Variants in WNT5B observed in about 807,000 individuals in gnomAD.
The protein encoded by WNT5B is Wnt family member 5B.
In WNT5B, 18 loss-of-function variants were observed where a neutral mutation model predicts 36.5. That is an observed-to-expected ratio of 0.49 (90% confidence interval 0.34 to 0.73). The LOEUF (loss-of-function observed/expected upper bound fraction) is 0.73, where lower values mean the gene tolerates loss of function less well. WNT5B is among the 30% of genes least tolerant of loss of function. WNT5B has a pLI of 0.01. For missense variants in WNT5B, 424 were observed against 508.4 expected, an observed-to-expected ratio of 0.83 and a Z score of 1.60; for synonymous variants, 213 against 212.3, an observed-to-expected ratio of 1.00 and a Z score of -0.03.
In WNT5B at chr12:1,639,993, C is replaced by A. The variant is rs780742438; in HGVS notation, c.621+17C>A. The A allele has an allele frequency of 6.2e-7, 1 of 1,601,476 alleles. No individual in the cohort carries two copies. Among genetic ancestry groups the A allele is most frequent in the East Asian group, 2.3e-5 (1 of 44,088 alleles). On this transcript the variant is annotated intron_variant, in intron 4 of 4. Transcript: ENST00000397196. ...GGTCGCAGGGTAAGCTGGGCCTCCC[C>A]GGCCTCCCCAGCACTGCAGACCTAG...
chr12:1,640,053 C>T, intron 4 of WNT5B, 77 bp downstream of exon 4: 1 of 1,501,044 alleles, frequency 6.7e-7, no homozygotes, highest in East Asian at 2.5e-5. Flanking sequence ...CAGCCGTGGC[C>T]TGGCCTTCAA....
chr12:1,621,838 C>T (rs1313241441), intron 1 of WNT5B, among the ~76,000 whole-genome samples: 1 of 152,012 alleles, frequency 6.6e-6, no homozygotes, highest in Non-Finnish European at 1.5e-5. Flanking sequence ...AGCCACCATG[C>T]CTGGCCCCAT....
Position 1,618,074 on chromosome 12 carries a change from C to T in WNT5B, c.-58+931C>T, listed in dbSNP as rs907209853. Among the ~76,000 whole-genome samples, 5 of 152,068 alleles carry T rather than the reference C, an allele frequency of 3.3e-5. No homozygotes were observed. Among genetic ancestry groups the T allele is most frequent in the Non-Finnish European group, 7.4e-5 (5 of 68,010 alleles). On this transcript the variant is annotated intron_variant, in intron 1 of 4. Transcript: ENST00000310594. This position sits in a 1 kb window ranked among gnomAD's most constrained non-coding sequence, Gnocchi z 4.1. ...GGAGGATCGCTTGAGCCCAGGAGTT[C>T]GAGGCTGCAGTGAGCTGTGATCATG...
chr12:1,633,035 A>G lies in WNT5B; in HGVS notation c.328+130A>G. 7.4e-7 allele frequency: 1 copy of G among 1,358,078 alleles called. No homozygotes were observed. The highest frequency in any genetic ancestry group is 9.8e-7 in the Non-Finnish European group (1 of 1,015,580). The allele number at this position is 1,358,078 out of a possible 1,614,324, so 84.1% of individuals were successfully genotyped here. A position where few individuals can be genotyped will look rare whatever the true frequency, so the allele number is the denominator to read the frequency against. The stretch of plus-strand genomic sequence containing the variant: ...TAAGTGGGCTCTCTCTAGGCTTGGC[A>G]GCAGTGTGCACCACGAGAGAGGCAC... On this transcript the variant is annotated intron_variant, in intron 3 of 4. Transcript: ENST00000397196. The surrounding 1 kb of genome is among the most constrained non-coding windows in gnomAD (Gnocchi z 4.8).
At chr12:1,631,145 A>C in intron 1 of WNT5B, 153 bp from the exon 2 acceptor site, 1 of 567,024 alleles carries the variant, frequency 1.8e-6, no homozygotes. Context: ...GAAGATGAGC[A>C]GTGGGAGGCG....
chr12:1,617,293 T>C (rs1340938344), intron 1 of WNT5B: 2 of 128,624 alleles, frequency 1.6e-5, no homozygotes, highest in Non-Finnish European at 3.2e-5. Context: ...ACAATGATTA[T>C]CATATATGTA....
chr12:1,636,144 G>C (rs1243548182), intron 3 of WNT5B, among the ~76,000 whole-genome samples: 2 of 151,966 alleles, frequency 1.3e-5, no homozygotes, highest in Non-Finnish European at 2.9e-5. Flanking sequence ...GTCCCTATAA[G>C]TATCATTTGT....
At chr12:1,622,107 CTTTTTTTTT>C (rs35497935) in intron 1 of WNT5B, among the ~76,000 whole-genome samples, 1 of 99,054 alleles carries the variant, frequency 1.0e-5, no homozygotes, top group African/African-American at 4.1e-5. Context: ...TCTGACACTT[CTTTTTTTTT>C]TTTTTTTTTT....
At chr12:1,640,250 G>A (rs2094572408) in intron 4 of WNT5B, among the ~76,000 whole-genome samples, 1 of 152,154 alleles carries the variant, frequency 6.6e-6, no homozygotes. Context: ...TAGGTGCAAT[G>A]TTTGGATCAG....
At chr12:1,637,465 C>T (rs927265164) in intron 3 of WNT5B, among the ~76,000 whole-genome samples, 2 of 151,716 alleles carry the variant, frequency 1.3e-5, no homozygotes, top group East Asian at 1.9e-4. Flanking sequence ...GGGCCGGGCG[C>T]GGTGGCTCAC....
At chr12:1,635,095 C>T (rs2094558222) in intron 3 of WNT5B, among the ~76,000 whole-genome samples, 1 of 152,216 alleles carries the variant, frequency 6.6e-6, no homozygotes, top group Non-Finnish European at 1.5e-5. Context: ...ACTTAGTAGG[C>T]TTACCCAAGG....
upstream of WNT5B, among the ~76,000 whole-genome samples, chr12:1,625,435 GA>G (rs1231160214): frequency 6.6e-6 from 1 of 152,116 alleles, no homozygotes; most frequent in Non-Finnish European, 1.5e-5. Context: ...TACGAGAAAT[GA>G]GTGGCCAAAG....
At chr12:1,623,493 C>T (rs912079944) in intron 1 of WNT5B, among the ~76,000 whole-genome samples, 2 of 152,132 alleles carry the variant, frequency 1.3e-5, no homozygotes, top group Admixed American at 6.6e-5. Flanking sequence ...CCGCGCCCGG[C>T]CTCTTTGAAG....
intron 3 of WNT5B, among the ~76,000 whole-genome samples, chr12:1,638,067 T>C (rs936475937): frequency 1.3e-5 from 2 of 152,084 alleles, no homozygotes; most frequent in Admixed American, 1.3e-4. Context: ...GCTAACACGG[T>C]GAAACCCCAT....
intron 1 of WNT5B, among the ~76,000 whole-genome samples, chr12:1,623,177 G>GTTTTTTTTTTTTTTTTTTTTTTTTTTTTT (rs1565603144): frequency 1.0e-5 from 1 of 98,188 alleles, no homozygotes; most frequent in African/African-American, 4.3e-5. Flanking sequence ...CCTTTGAAGG[G>GTTTTTTTTTTTTTTTTTTTTTTTTTTTTT]TTTTTTGTTG....
rs2094581356 is a variant in WNT5B, at chr12:1,644,312, T to G, written c.622-1482T>G. ...GTGCCTTTAACCTTGGGGAGAGCCT[T>G]CCTTCCTCCTCTGCTCTAAGCCAGC... On this transcript the variant is annotated intron_variant, in intron 4 of 4. Coordinates refer to ENST00000397196, the MANE Select transcript of WNT5B (RefSeq NM_032642.3). This position sits in a 1 kb window ranked among gnomAD's most constrained non-coding sequence, Gnocchi z 5.1. Among the ~76,000 whole-genome samples, 1 of 152,136 alleles carries G rather than the reference T, an allele frequency of 6.6e-6. No homozygotes were observed. The highest frequency in any genetic ancestry group is 1.5e-5 in the Non-Finnish European group (1 of 68,012).
intron 1 of WNT5B, among the ~76,000 whole-genome samples, chr12:1,619,857 C>G (rs2094531532): frequency 6.6e-6 from 1 of 152,108 alleles, no homozygotes; most frequent in Non-Finnish European, 1.5e-5. Flanking sequence ...AATAGTCATC[C>G]CACGTGGTTG....
chr12:1,626,482 C>T (rs557281162), upstream of WNT5B, among the ~76,000 whole-genome samples: 8 of 151,586 alleles, frequency 5.3e-5, no homozygotes, highest in East Asian at 3.9e-4. Context: ...AGGCTGGTCT[C>T]GAACTCCTGA....
intron 4 of WNT5B, among the ~76,000 whole-genome samples, chr12:1,640,272 T>C (rs1376917373): frequency 6.6e-6 from 1 of 152,236 alleles, no homozygotes; most frequent in Non-Finnish European, 1.5e-5. Flanking sequence ...ATTCCAGACG[T>C]AAGGATTAGA....
Sources: gnomAD v4.1 joint callset for allele counts (sites outside exome capture counted in the v4.1 genomes callset) on GRCh38, gnomAD v4.1.1 for gene constraint, Gnocchi (gnomAD v3.1) non-coding constraint, MANE v1.5 for transcripts, NCBI Gene and HGNC (gene_info 2026-07-23, HGNC 2026-07-21) for gene names.